Variants in MACROD2 observed in about 807,000 individuals in gnomAD.
MACROD2 encodes ADP-ribose glycohydrolase MACROD2.
MACROD2 carries 36 observed loss-of-function variants against 70.4 expected under a neutral mutation model. The ratio of observed to expected loss-of-function variants is 0.51; its 90% confidence interval spans 0.39 to 0.68. The LOEUF (loss-of-function observed/expected upper bound fraction) is 0.68, where lower values mean the gene tolerates loss of function less well. Among genes scored for constraint, MACROD2 ranks in the 30% least tolerant of loss-of-function variants. The pLI is 0.00. For synonymous variants in MACROD2, 172 were observed against 178.8 expected (o/e 0.96, Z 0.30); for missense variants, 496 against 538.4 (o/e 0.92, Z 0.78).
intron 8 of MACROD2, among the ~76,000 whole-genome samples, chr20:15,709,053 G>C (rs927332310): frequency 6.6e-6 from 1 of 152,084 alleles, no homozygotes; most frequent in Non-Finnish European, 1.5e-5. Context: ...ATTGAATAAT[G>C]CCAGGAGTTT....
intron 4 of MACROD2, among the ~76,000 whole-genome samples, chr20:14,651,250 G>A (rs1655529801): frequency 6.6e-6 from 1 of 152,052 alleles, no homozygotes; most frequent in African/African-American, 2.4e-5. Flanking sequence ...GCTTTTATAG[G>A]GGGACGTCAT....
chr20:15,830,896 G>GT (rs1184796253), intron 8 of MACROD2, among the ~76,000 whole-genome samples: 3 of 152,146 alleles, frequency 2.0e-5, no homozygotes, highest in Non-Finnish European at 2.9e-5. Flanking sequence ...AGAAGTTGAT[G>GT]TTTTTTCTTA....
At chr20:14,309,864 G>C (rs2082551288) in intron 3 of MACROD2, among the ~76,000 whole-genome samples, 1 of 152,152 alleles carries the variant, frequency 6.6e-6, no homozygotes, top group Admixed American at 6.5e-5. Flanking sequence ...TAGTTTACAA[G>C]TGTTCTCCAT....
intron 3 of MACROD2, chr20:14,325,623 A>T: frequency 6.2e-7 from 1 of 1,613,592 alleles, no homozygotes; most frequent in Non-Finnish European, 8.5e-7. Flanking sequence ...TACTGCTTTC[A>T]CTGTGATTGT....
chr20:15,020,290 A>G (rs891623986), intron 5 of MACROD2, among the ~76,000 whole-genome samples: 1 of 152,188 alleles, frequency 6.6e-6, no homozygotes, highest in Admixed American at 6.5e-5. Flanking sequence ...ACTTCTATCT[A>G]TACTTTAAGA....
At chr20:16,014,608 G>A (rs2066906019) in intron 15 of MACROD2, among the ~76,000 whole-genome samples, 1 of 152,206 alleles carries the variant, frequency 6.6e-6, no homozygotes, top group African/African-American at 2.4e-5. Flanking sequence ...TTCAACAGAA[G>A]CCAAGAAAAA....
intron 5 of MACROD2, among the ~76,000 whole-genome samples, chr20:14,974,993 A>T (rs1209455016): frequency 6.6e-6 from 1 of 152,050 alleles, no homozygotes; most frequent in Non-Finnish European, 1.5e-5. Context: ...GGCACTATTG[A>T]CATTGTGGGT....
chr20:14,777,695 A>G (rs1448193959), intron 5 of MACROD2, among the ~76,000 whole-genome samples: 3 of 152,062 alleles, frequency 2.0e-5, no homozygotes, highest in African/African-American at 7.3e-5. Context: ...CCAGGCATGA[A>G]ATTTAGTAAT....
intron 3 of MACROD2, among the ~76,000 whole-genome samples, chr20:14,362,833 G>T (rs1445230255): frequency 6.6e-6 from 1 of 152,132 alleles, no homozygotes; most frequent in Non-Finnish European, 1.5e-5. Flanking sequence ...AACCTTAAGA[G>T]CATAGATAAT....
At chr20:14,781,776 G>A (rs536802400) in intron 5 of MACROD2, among the ~76,000 whole-genome samples, 24 of 151,944 alleles carry the variant, frequency 1.6e-4, no homozygotes, top group East Asian at 1.2e-3. Flanking sequence ...AAGGCAAAAA[G>A]AGGCAGATTT....
intron 3 of MACROD2, among the ~76,000 whole-genome samples, chr20:14,486,518 TATTTTA>T (rs767871042): frequency 2.2e-5 from 3 of 138,026 alleles, no homozygotes; most frequent in African/African-American, 5.3e-5. Context: ...GCCAACTTTT[TATTTTA>T]TTTTTTTTTT....
chr20:15,836,165 A>G (rs2064112324), intron 8 of MACROD2, among the ~76,000 whole-genome samples: 1 of 152,210 alleles, frequency 6.6e-6, no homozygotes, highest in Non-Finnish European at 1.5e-5. Context: ...TGAGTATCTA[A>G]TAATAGTGAC....
intron 4 of MACROD2, among the ~76,000 whole-genome samples, chr20:14,508,094 C>T (rs1479888834): frequency 6.6e-6 from 1 of 152,102 alleles, no homozygotes; most frequent in Non-Finnish European, 1.5e-5. Flanking sequence ...TACAAAGCCA[C>T]AGATAAGCCC....
chr20:14,397,650 C>T (rs1263364153), intron 3 of MACROD2, among the ~76,000 whole-genome samples: 5 of 152,062 alleles, frequency 3.3e-5, no homozygotes, highest in Non-Finnish European at 5.9e-5. Context: ...ATTTATGGGA[C>T]ACAGAGTGAT....
In MACROD2 at chr20:15,766,054, G is replaced by A. The variant is rs189546255; in HGVS notation, c.646-96691G>A. Among the ~76,000 whole-genome samples the A allele has an allele frequency of 2.2e-4, 33 of 152,236 alleles. No homozygotes were observed. The East Asian group carries it at 2.5e-3, about 12-fold the overall frequency. The stretch of plus-strand genomic sequence containing the variant: ...TCTGAAGATGATGATGGAAATAATT[G>A]TCATATTTCTCTTATGTTTTTTATT... On this transcript the variant is annotated intron_variant, in intron 8 of 17. Coordinates refer to ENST00000684519, the MANE Select transcript of MACROD2 (RefSeq NM_001351661.2).
intron 2 of MACROD2, among the ~76,000 whole-genome samples, chr20:14,020,334 G>T (rs568797551): frequency 1.3e-5 from 2 of 152,122 alleles, no homozygotes; most frequent in Non-Finnish European, 1.5e-5. Context: ...TTAGCCAGTC[G>T]TGGTGGCACA....
At position 14,649,057 on chromosome 20, in the gene MACROD2, C is replaced by T. The variant is rs186732401; in HGVS notation, c.302-35786C>T. ...GAGTCCTGTGTATGTTTGTGAACTC[C>T]AGAGGTCCACACTCCTTCACTTCAC... is the stretch of plus-strand genomic sequence containing the variant. On this transcript the variant is annotated intron_variant, in intron 4 of 17. Coordinates refer to ENST00000684519, the MANE Select transcript of MACROD2 (RefSeq NM_001351661.2). Among the ~76,000 whole-genome samples, 7 of 152,232 alleles carry T rather than the reference C, an allele frequency of 4.6e-5. No individual in the cohort carries two copies. The East Asian group carries it at 1.4e-3, about 29-fold the overall frequency.
chr20:14,816,459 C>A (rs546673813), intron 5 of MACROD2, among the ~76,000 whole-genome samples: 37 of 152,110 alleles, frequency 2.4e-4, no homozygotes, highest in African/African-American at 8.9e-4. Flanking sequence ...TTACAGAAGA[C>A]CTTCAAAAGC....
intron 6 of MACROD2, among the ~76,000 whole-genome samples, chr20:15,344,761 G>T (rs992651665): frequency 1.3e-5 from 2 of 152,146 alleles, no homozygotes; most frequent in Non-Finnish European, 2.9e-5. Flanking sequence ...TAGAATTAGT[G>T]ACTAGAAGAT....
Sources: allele counts gnomAD v4.1 joint callset (sites outside exome capture counted in the v4.1 genomes callset), GRCh38; gene constraint gnomAD v4.1.1; transcripts MANE v1.5; gene names NCBI Gene and HGNC (gene_info 2026-07-23, HGNC 2026-07-21).